TCF7L2: variants seen among roughly 807,000 people sequenced by gnomAD.
TCF7L2 encodes the protein transcription factor 7 like 2.
In TCF7L2, 23 loss-of-function variants were observed where a neutral mutation model predicts 77.9. That is an observed-to-expected ratio of 0.30 (90% confidence interval 0.21 to 0.42). The LOEUF (loss-of-function observed/expected upper bound fraction) is 0.42, where lower values mean the gene tolerates loss of function less well. Among genes scored for constraint, TCF7L2 ranks in the 10% least tolerant of loss-of-function variants. The pLI, the probability that TCF7L2 is intolerant of heterozygous loss-of-function variation, is 1.00. For synonymous variants in TCF7L2, 413 were observed against 340.2 expected (o/e 1.21, Z -2.36); for missense variants, 654 against 793.1 (o/e 0.82, Z 2.11).
At chr10:112,951,343 G>C in intron 2 of TCF7L2, 70 bp downstream of exon 2, 1 of 978,642 alleles carries the variant, frequency 1.0e-6, no homozygotes, top group Non-Finnish European at 1.2e-6. Flanking sequence ...GCGCGCCCCG[G>C]CCCCGCGCCC....
At chr10:113,134,356 G>C (rs1282588318) in intron 5 of TCF7L2, among the ~76,000 whole-genome samples, 1 of 152,224 alleles carries the variant, frequency 6.6e-6, no homozygotes, top group Non-Finnish European at 1.5e-5. Context: ...GTGTTGGCCT[G>C]CTGGGTTGGG....
intron 4 of TCF7L2, among the ~76,000 whole-genome samples, chr10:113,021,369 G>T (rs866798224): frequency 1.3e-5 from 2 of 152,178 alleles, no homozygotes; most frequent in Non-Finnish European, 2.9e-5. Context: ...CTCCTAGGAA[G>T]TAAGTTTCTG....
intron 5 of TCF7L2, among the ~76,000 whole-genome samples, chr10:113,067,082 C>T (rs1001913282): frequency 6.6e-6 from 1 of 152,222 alleles, no homozygotes; most frequent in Non-Finnish European, 1.5e-5. Context: ...TTTGAACATA[C>T]AGTTAAGAAT....
chr10:113,011,114 A>C (rs1346711551), intron 4 of TCF7L2, among the ~76,000 whole-genome samples: 1 of 152,218 alleles, frequency 6.6e-6, no homozygotes, highest in Non-Finnish European at 1.5e-5. Flanking sequence ...CTTTAGTTGG[A>C]GTATCCTTAA....
chr10:113,103,000 G>T (rs936991690), intron 5 of TCF7L2, among the ~76,000 whole-genome samples: 4 of 152,288 alleles, frequency 2.6e-5, no homozygotes, highest in South Asian at 4.1e-4. Flanking sequence ...GCCTTAAGTG[G>T]TTTTCATATA....
chr10:113,055,379 CT>C (rs1460027407), intron 5 of TCF7L2, among the ~76,000 whole-genome samples: 1 of 152,180 alleles, frequency 6.6e-6, no homozygotes, highest in Non-Finnish European at 1.5e-5. Flanking sequence ...GGTTGAACAT[CT>C]GGTCATATGT....
intron 4 of TCF7L2, among the ~76,000 whole-genome samples, chr10:112,970,078 G>T (rs554826171): frequency 6.6e-6 from 1 of 152,234 alleles, no homozygotes; most frequent in East Asian, 1.9e-4. Context: ...CACCAAGTCA[G>T]ATGTGATTTA....
Position 112,951,570 on chromosome 10 carries a change from A to G in TCF7L2, c.344A>G (p.Tyr115Cys), listed in dbSNP as rs1431029741. The stretch of plus-strand genomic sequence containing the variant: ...ATGATCCCCGACCTGACGAGCCCCT[A>G]CCTCCCCAACGGATCGCTCTCGCCC... The change falls in exon 3 of 14, where the codon TAC becomes TGC. Residue 115 changes from tyrosine (Y) to cysteine (C), a missense_variant. Transcript: ENST00000627217. 2 of 1,369,034 alleles carry G rather than the reference A, an allele frequency of 1.5e-6. No individual in the cohort carries two copies. Among genetic ancestry groups the G allele is most frequent in the East Asian group, 4.0e-5 (1 of 25,144 alleles). The allele number at this position is 1,369,034 out of a possible 1,614,324, so 84.8% of individuals were successfully genotyped here. A position where few individuals can be genotyped will look rare whatever the true frequency, so the allele number is the denominator to read the frequency against.
intron 5 of TCF7L2, among the ~76,000 whole-genome samples, chr10:113,053,401 G>T (rs1397469855): frequency 6.6e-6 from 1 of 152,184 alleles, no homozygotes; most frequent in Non-Finnish European, 1.5e-5. Context: ...TGTAGCAAGG[G>T]TGTGGATTGT....
intron 5 of TCF7L2, among the ~76,000 whole-genome samples, chr10:113,084,593 G>T (rs2059635645): frequency 1.3e-5 from 2 of 152,106 alleles, no homozygotes; most frequent in African/African-American, 4.8e-5. Flanking sequence ...TTGTGACTTA[G>T]TCAAACTGAC....
chr10:113,119,694 C>T (rs955187462), intron 5 of TCF7L2, among the ~76,000 whole-genome samples: 10 of 150,672 alleles, frequency 6.6e-5, no homozygotes, highest in Admixed American at 5.3e-4. Flanking sequence ...AAAAACTTAT[C>T]GAAGGTTTCA....
chr10:113,012,480 A>G (rs1051287700), intron 4 of TCF7L2, among the ~76,000 whole-genome samples: 1 of 118,080 alleles, frequency 8.5e-6, no homozygotes, highest in East Asian at 1.9e-4. Flanking sequence ...GGTCTGAACT[A>G]GTGGAAAGGC....
chr10:112,981,565 C>T (rs2040475474), intron 4 of TCF7L2, among the ~76,000 whole-genome samples: 1 of 152,160 alleles, frequency 6.6e-6, no homozygotes, highest in South Asian at 2.1e-4. Flanking sequence ...CCACCACCCT[C>T]TTTGGAATTT....
chr10:112,969,858 G>C (rs2037843750), intron 4 of TCF7L2, among the ~76,000 whole-genome samples: 1 of 152,188 alleles, frequency 6.6e-6, no homozygotes, highest in Non-Finnish European at 1.5e-5. Context: ...CCCTGCAGGT[G>C]ATTGTAGATA....
chr10:113,094,115 G>T (rs977631024), intron 5 of TCF7L2, among the ~76,000 whole-genome samples: 1 of 152,198 alleles, frequency 6.6e-6, no homozygotes, highest in Admixed American at 6.5e-5. Flanking sequence ...GTTTTTTCAG[G>T]AGGGGGCACA....
chr10:113,030,264 G>A (rs1286678825), intron 4 of TCF7L2, among the ~76,000 whole-genome samples: 1 of 152,156 alleles, frequency 6.6e-6, no homozygotes, highest in African/African-American at 2.4e-5. Context: ...TTTTATTACT[G>A]AATAGTATTC....
chr10:113,035,705 AT>A (rs1222484811), intron 4 of TCF7L2, among the ~76,000 whole-genome samples: 1 of 152,186 alleles, frequency 6.6e-6, no homozygotes, highest in African/African-American at 2.4e-5. Flanking sequence ...CACTTTTATT[AT>A]TTTTAAATGG....
intron 4 of TCF7L2, among the ~76,000 whole-genome samples, chr10:113,015,409 G>A (rs531223200): frequency 6.6e-6 from 1 of 151,634 alleles, no homozygotes; most frequent in East Asian, 1.9e-4. Context: ...CTCGTGCCAG[G>A]TGTGATCCTC....
intron 3 of TCF7L2, chr10:112,951,942 C>G (rs974911265): frequency 5.3e-5 from 8 of 152,264 alleles, no homozygotes; most frequent in African/African-American, 1.9e-4. Context: ...TCCCCCTCCC[C>G]CTTTGGTGGT....
Sources: gnomAD v4.1 joint callset for allele counts (sites outside exome capture counted in the v4.1 genomes callset) on GRCh38, gnomAD v4.1.1 for gene constraint, MANE v1.5 for transcripts, NCBI Gene and HGNC (gene_info 2026-07-23, HGNC 2026-07-21) for gene names.